PCDHGA2: variants seen among roughly 807,000 people sequenced by gnomAD.
The protein encoded by PCDHGA2 is protocadherin gamma-A2.
A neutral mutation model predicts 59.2 loss-of-function variants in PCDHGA2; 40 were observed. That is an observed-to-expected ratio of 0.68 (90% CI 0.52 to 0.88). The LOEUF is 0.88. PCDHGA2 is among the 40% of genes least tolerant of loss of function. PCDHGA2 has a pLI of 0.00. For synonymous variants in PCDHGA2, 560 were observed against 526.0 expected, an observed-to-expected ratio of 1.06 and a Z score of -0.89; for missense variants, 1,226 against 1,204.0, an observed-to-expected ratio of 1.02 and a Z score of -0.27.
chr5:141,422,539 C>T (rs1335732614), intron 1 of PCDHGA2: 6 of 1,613,876 alleles, frequency 3.7e-6, no homozygotes, highest in Middle Eastern at 1.6e-4. Context: ...TGCAGAAACT[C>T]ATGTCTGGCT....
At chr5:141,365,711 G>A (rs750945400) in intron 1 of PCDHGA2, 34 of 1,613,386 alleles carry the variant, frequency 2.1e-5, no homozygotes, top group Non-Finnish European at 3.4e-6. Context: ...CTCCACCTCT[G>A]TCACAGAAAA....
At chr5:141,364,599 T>C in intron 1 of PCDHGA2, 4 of 1,614,178 alleles carry the variant, frequency 2.5e-6, no homozygotes, top group South Asian at 1.1e-5. Context: ...GCGGGCAGGA[T>C]AGACCGGGAG....
chr5:141,465,950 A>G (rs570810183), intron 1 of PCDHGA2, among the ~76,000 whole-genome samples: 2 of 152,102 alleles, frequency 1.3e-5, no homozygotes, highest in African/African-American at 4.8e-5. Flanking sequence ...GTGAAACCCC[A>G]TCTCTACTAA....
In PCDHGA2 at chr5:141,431,710, G is replaced by A. The variant is rs1249423969; in HGVS notation, c.2425-63097G>A. On this transcript the variant is annotated intron_variant, in intron 1 of 3. Coordinates refer to ENST00000394576, the MANE Select transcript of PCDHGA2 (RefSeq NM_018915.4). The surrounding 1 kb of genome is among the most constrained non-coding windows in gnomAD (Gnocchi z 4.8). ...ACGAGGAGTCAGGATTCTACCAGAT[G>A]GAAGTGCAAGCAATGGATAATGCAG... is the stretch of plus-strand genomic sequence containing the variant. 3.1e-6 allele frequency: 5 copies of A among 1,614,116 alleles called. No individual in the cohort carries two copies. Among genetic ancestry groups the A allele is most frequent in the South Asian group, 1.1e-5 (1 of 91,088 alleles).
intron 1 of PCDHGA2, chr5:141,478,905 G>T (rs1593970684): frequency 1.1e-6 from 1 of 930,214 alleles, no homozygotes; most frequent in East Asian, 2.7e-5. Flanking sequence ...GGAATAAGCT[G>T]CTGGATACCT....
intron 1 of PCDHGA2, chr5:141,383,263 G>C: frequency 1.9e-6 from 3 of 1,613,926 alleles, no homozygotes; most frequent in Non-Finnish European, 2.5e-6. Context: ...TATAGACGTG[G>C]AAATAATAGA....
Position 141,476,870 on chromosome 5 carries a change from C to T in PCDHGA2, c.2425-17937C>T, listed in dbSNP as rs2099400432. 3 of 1,613,772 alleles carry T rather than the reference C, an allele frequency of 1.9e-6. No individual in the cohort carries two copies. Among genetic ancestry groups the T allele is most frequent in the South Asian group, 1.1e-5 (1 of 91,094 alleles). On this transcript the variant is annotated intron_variant, in intron 1 of 3. Coordinates refer to ENST00000394576, the MANE Select transcript of PCDHGA2 (RefSeq NM_018915.4). The surrounding 1 kb of genome is among the most constrained non-coding windows in gnomAD (Gnocchi z 7.6). ...CTTCAACCAGTCCTTGTACCGGGCGCGCGTCCTGGAGGATGCACCCTCCGG... is the reference window on the plus strand; with the variant it reads ...CTTCAACCAGTCCTTGTACCGGGCGTGCGTCCTGGAGGATGCACCCTCCGG...
intron 1 of PCDHGA2, among the ~76,000 whole-genome samples, chr5:141,443,764 C>A (rs1351060316): frequency 6.6e-6 from 1 of 151,708 alleles, no homozygotes; most frequent in Non-Finnish European, 1.5e-5. Flanking sequence ...TTACAATATA[C>A]AATATTACCA....
At position 141,418,775 on chromosome 5, in the gene PCDHGA2, C is replaced by T. The variant is rs773519128; in HGVS notation, c.2425-76032C>T. 4 of 1,613,764 alleles carry T rather than the reference C, an allele frequency of 2.5e-6. No individual in the cohort carries two copies. In the East Asian group the frequency reaches 6.7e-5, roughly 27 times the overall value. ...TACAGGAAACATTCTAACTCAGCAG[C>T]CTTTGGATTTTGAAGAAGTAGAAAG... On this transcript the variant is annotated intron_variant, in intron 1 of 3. Transcript: ENST00000394576.
chr5:141,366,202 C>T lies in PCDHGA2; in HGVS notation c.2424+24807C>T, dbSNP rs548407771. On this transcript the variant is annotated intron_variant, in intron 1 of 3. Transcript: ENST00000394576. ...TCTTTGCGGTTGGGCTGCACACGGGCGAGGTGCGCACAGCGCGAGCCCTGC... is the reference window on the plus strand; with the variant it reads ...TCTTTGCGGTTGGGCTGCACACGGGTGAGGTGCGCACAGCGCGAGCCCTGC... 2.8e-5 allele frequency: 45 copies of T among 1,613,844 alleles called. No individual in the cohort carries two copies. In the South Asian group the frequency reaches 4.8e-4, roughly 17 times the overall value.
chr5:141,403,074 A>T (rs777613681), intron 1 of PCDHGA2: 1 of 1,614,088 alleles, frequency 6.2e-7, no homozygotes, highest in South Asian at 1.1e-5. Context: ...GAGACAGAAA[A>T]GGGCTATATT....
At chr5:141,398,746 T>TAC in intron 1 of PCDHGA2, 1 of 1,613,420 alleles carries the variant, frequency 6.2e-7, no homozygotes, top group South Asian at 1.1e-5. Context: ...ACAACAGAGT[T>TAC]ACCATCGTTT....
rs1281337319 is a variant in PCDHGA2, at chr5:141,393,186, G to A, written c.2424+51791G>A. ...CTTTGGGGTAGAAATAGAAATAATT[G>A]ATATTAACGATAATAACCCAAAATT... On this transcript the variant is annotated intron_variant, in intron 1 of 3. Transcript: ENST00000394576. 1.2e-6 allele frequency: 2 copies of A among 1,613,188 alleles called. No homozygotes were observed. The highest frequency in any genetic ancestry group is 3.3e-5 in the Admixed American group (2 of 59,998).
intron 1 of PCDHGA2, among the ~76,000 whole-genome samples, chr5:141,406,024 G>A (rs2094747494): frequency 6.6e-6 from 1 of 151,462 alleles, no homozygotes; most frequent in Admixed American, 6.6e-5. Flanking sequence ...TTTTTGGGTA[G>A]GGTTGCTTCA....
chr5:141,383,502 C>A (rs1779190099), intron 1 of PCDHGA2: 1 of 1,613,004 alleles, frequency 6.2e-7, no homozygotes, highest in Admixed American at 1.7e-5. Context: ...GGGTGCTGGA[C>A]CGGGAGGAAG....
intron 1 of PCDHGA2, chr5:141,389,039 AG>A: frequency 6.2e-7 from 1 of 1,613,988 alleles, no homozygotes; most frequent in Non-Finnish European, 8.5e-7. Context: ...GTAAATTGGA[AG>A]GTGATGTTCC....
intron 1 of PCDHGA2, chr5:141,420,386 A>G (rs1407565643): frequency 6.2e-6 from 8 of 1,284,798 alleles, no homozygotes; most frequent in Non-Finnish European, 7.2e-6. Context: ...AGTTCGCAAA[A>G]TATAGGTCAA....
Position 141,490,325 on chromosome 5 carries a change from G to A in PCDHGA2, c.2425-4482G>A. 1 of 1,614,236 alleles carries A rather than the reference G, an allele frequency of 6.2e-7. No individual in the cohort carries two copies. Among genetic ancestry groups the A allele is most frequent in the Non-Finnish European group, 8.5e-7 (1 of 1,180,038 alleles). On this transcript the variant is annotated intron_variant, in intron 1 of 3. Transcript: ENST00000394576. This position sits in a 1 kb window ranked among gnomAD's most constrained non-coding sequence, Gnocchi z 5.4. ...TCTTTGGCCAACCCTGTCCTAGAGA[G>A]CACACCAGTGGGCACAGTAGTGGGG...
intron 1 of PCDHGA2, among the ~76,000 whole-genome samples, chr5:141,347,402 A>G (rs1055327810): frequency 1.3e-5 from 2 of 151,990 alleles, no homozygotes; most frequent in African/African-American, 4.8e-5. Flanking sequence ...TGATCTGCCC[A>G]CGTCAGCCTC....
Sources: allele counts gnomAD v4.1 joint callset (sites outside exome capture counted in the v4.1 genomes callset), GRCh38; gene constraint gnomAD v4.1.1; non-coding constraint Gnocchi (gnomAD v3.1); transcripts MANE v1.5; gene names NCBI Gene and HGNC (gene_info 2026-07-23, HGNC 2026-07-21).